The following HMCN1 variants were observed in gnomAD, a reference collection of about 807,000 sequenced individuals.
HMCN1 encodes the protein hemicentin-1.
A neutral mutation model predicts 625.9 loss-of-function variants in HMCN1; 321 were observed. That is an observed-to-expected ratio of 0.51 (90% confidence interval 0.47 to 0.56). The LOEUF is 0.56. HMCN1 is among the 20% of genes least tolerant of loss of function. The pLI is 0.00. For missense variants in HMCN1, 6,588 were observed against 6,887.3 expected (o/e 0.96, Z 1.54); for synonymous variants, 2,425 against 2,417.6 (o/e 1.00, Z -0.09).
intron 66 of HMCN1, 146 bp downstream of exon 66, chr1:186,093,815 G>A (rs1279955390): frequency 2.9e-6 from 3 of 1,051,184 alleles, no homozygotes; most frequent in Admixed American, 2.3e-5. Flanking sequence ...GTAGAGGAAG[G>A]ACAACAAATA....
At chr1:186,145,599 G>A in intron 92 of HMCN1, 26 bp downstream of exon 92, 1 of 1,612,856 alleles carries the variant, frequency 6.2e-7, no homozygotes, top group South Asian at 1.1e-5. Context: ...TCTGGCAGTT[G>A]AATAAGTAAA....
At chr1:186,133,689 C>T (rs1649360242) in intron 86 of HMCN1, among the ~76,000 whole-genome samples, 1 of 151,938 alleles carries the variant, frequency 6.6e-6, no homozygotes, top group Admixed American at 6.6e-5. Context: ...CTGTAAGACT[C>T]GAATAGATGG....
chr1:186,154,463 A>G (rs1650866883), intron 97 of HMCN1, among the ~76,000 whole-genome samples: 1 of 152,190 alleles, frequency 6.6e-6, no homozygotes, highest in African/African-American at 2.4e-5. Context: ...CAGAGGTTGC[A>G]GTGAGCCGAG....
At chr1:185,989,363 T>C in intron 20 of HMCN1, 125 bp from the exon 21 acceptor site, 1 of 1,087,810 alleles carries the variant, frequency 9.2e-7, no homozygotes, top group South Asian at 1.3e-5. Context: ...ATTTTAAAAT[T>C]TACTCTATTC....
At chr1:186,100,988 A>G (rs558612118) in intron 68 of HMCN1, among the ~76,000 whole-genome samples, 72 of 152,198 alleles carry the variant, frequency 4.7e-4, no homozygotes, top group Non-Finnish European at 4.3e-4. Context: ...ACAAAACCAC[A>G]TCCACCTACA....
intron 1 of HMCN1, among the ~76,000 whole-genome samples, chr1:185,751,549 A>T (rs1654816198): frequency 6.6e-6 from 1 of 152,082 alleles, no homozygotes; most frequent in Admixed American, 6.6e-5. Context: ...TCAGATTTTT[A>T]TTAAATTCTG....
At chr1:185,977,026 A>G (rs1443436350) in intron 15 of HMCN1, among the ~76,000 whole-genome samples, 2 of 151,764 alleles carry the variant, frequency 1.3e-5, no homozygotes, top group African/African-American at 4.8e-5. Context: ...ATGTTTTCCA[A>G]GATGTGCCTC....
chr1:185,864,156 GA>G (rs758684202), intron 2 of HMCN1, among the ~76,000 whole-genome samples: 1 of 152,188 alleles, frequency 6.6e-6, no homozygotes, highest in Non-Finnish European at 1.5e-5. Flanking sequence ...ATAAGAATGA[GA>G]AAAAGTAAGA....
At chr1:185,979,631 A>G (rs1651478288) in intron 16 of HMCN1, among the ~76,000 whole-genome samples, 2 of 152,190 alleles carry the variant, frequency 1.3e-5, no homozygotes. Flanking sequence ...TGATTTATTA[A>G]TGGGGTGGTT....
chr1:186,129,440 A>G (rs1398459117), intron 83 of HMCN1, among the ~76,000 whole-genome samples: 1 of 151,840 alleles, frequency 6.6e-6, no homozygotes, highest in East Asian at 1.9e-4. Context: ...TTTATGATTT[A>G]CAGAGAAGTT....
intron 1 of HMCN1, among the ~76,000 whole-genome samples, chr1:185,806,915 T>G (rs1293256164): frequency 6.6e-6 from 1 of 152,176 alleles, no homozygotes. Flanking sequence ...ATTTCCTGTC[T>G]TATACATTTT....
intron 68 of HMCN1, among the ~76,000 whole-genome samples, chr1:186,101,421 C>G (rs979115270): frequency 7.9e-5 from 12 of 151,990 alleles, no homozygotes; most frequent in Admixed American, 5.3e-4. Context: ...TAGGTTCAGT[C>G]TGAATACATG....
intron 36 of HMCN1, among the ~76,000 whole-genome samples, chr1:186,036,342 C>G (rs1655820709): frequency 3.3e-5 from 5 of 152,074 alleles, no homozygotes; most frequent in Admixed American, 2.6e-4. Flanking sequence ...GCTGGGGAGG[C>G]CTCACAATCA....
intron 4 of HMCN1, among the ~76,000 whole-genome samples, chr1:185,886,495 A>G (rs1468251693): frequency 6.6e-6 from 1 of 152,048 alleles, no homozygotes; most frequent in East Asian, 1.9e-4. Context: ...TTTTTAATTC[A>G]TCTCTTACTT....
intron 1 of HMCN1, among the ~76,000 whole-genome samples, chr1:185,813,242 G>A (rs1364418738): frequency 6.6e-6 from 1 of 152,076 alleles, no homozygotes; most frequent in Non-Finnish European, 1.5e-5. Flanking sequence ...TGGAAACAGG[G>A]TAAATTAATG....
intron 1 of HMCN1, among the ~76,000 whole-genome samples, chr1:185,812,403 T>G (rs1470552371): frequency 1.3e-5 from 2 of 152,156 alleles, no homozygotes; most frequent in Non-Finnish European, 2.9e-5. Flanking sequence ...ATTGGACCTG[T>G]TTCTTTAACA....
chr1:186,155,584 A>G (rs1010012931), intron 97 of HMCN1, among the ~76,000 whole-genome samples: 2 of 152,092 alleles, frequency 1.3e-5, no homozygotes, highest in African/African-American at 4.8e-5. Context: ...TTTCTACCTA[A>G]TCGTGTACAT....
intron 1 of HMCN1, among the ~76,000 whole-genome samples, chr1:185,743,846 G>C (rs962379796): frequency 3.9e-5 from 6 of 152,152 alleles, no homozygotes; most frequent in African/African-American, 1.4e-4. Context: ...AAATGGTGTT[G>C]CTGTAACTTA....
intron 89 of HMCN1, among the ~76,000 whole-genome samples, chr1:186,143,647 T>A (rs1189030187): frequency 6.6e-6 from 1 of 152,228 alleles, no homozygotes; most frequent in East Asian, 1.9e-4. Context: ...GTGCAAATCA[T>A]CATGTTGTTG....
Sources: gnomAD v4.1 joint callset for allele counts (sites outside exome capture counted in the v4.1 genomes callset) on GRCh38, gnomAD v4.1.1 for gene constraint, MANE v1.5 for transcripts, NCBI Gene and HGNC (gene_info 2026-07-23, HGNC 2026-07-21) for gene names.